Variants in DTNA observed in about 807,000 individuals in gnomAD.
DTNA encodes dystrobrevin alpha.
Under a neutral mutation model 100.7 loss-of-function variants are expected in DTNA, and 43 were observed. The observed-to-expected ratio is 0.43, with a 90% CI of 0.33 to 0.55. The LOEUF (loss-of-function observed/expected upper bound fraction) is 0.55. Ranked by LOEUF, DTNA falls within the 20% of genes least tolerant of loss-of-function variation. The pLI is 0.04. For synonymous variants in DTNA, 349 were observed against 347.9 expected (o/e 1.00, Z -0.04); for missense variants, 798 against 953.9 (o/e 0.84, Z 2.15).
intron 1 of DTNA, among the ~76,000 whole-genome samples, chr18:34,522,235 T>C (rs970166781): frequency 1.3e-5 from 2 of 152,162 alleles, no homozygotes; most frequent in African/African-American, 4.8e-5. Context: ...CTGTTATCCC[T>C]TTATTATAAA....
chr18:34,870,013 G>A lies in DTNA; in HGVS notation c.1744-5226G>A, dbSNP rs557507899. Reference sequence around the variant, plus strand: ...TCCAGCCTGGGCAACACGACACAGCGAGACTCCGTCTCAAAAAAAAGGGGG... The same window carrying A: ...TCCAGCCTGGGCAACACGACACAGCAAGACTCCGTCTCAAAAAAAAGGGGG... On this transcript the variant is annotated intron_variant, in intron 17 of 22. Transcript: ENST00000444659. 1.4e-4 allele frequency among the ~76,000 whole-genome samples: 22 copies of A among 152,296 alleles called. No homozygotes were observed. The East Asian group carries it at 2.1e-3, about 15-fold the overall frequency.
At chr18:34,625,658 G>A (rs1245702949) in intron 1 of DTNA, among the ~76,000 whole-genome samples, 1 of 152,056 alleles carries the variant, frequency 6.6e-6, no homozygotes, top group Non-Finnish European at 1.5e-5. Flanking sequence ...ATACACAATT[G>A]TATGCAAAAG....
intron 1 of DTNA, among the ~76,000 whole-genome samples, chr18:34,632,741 A>G (rs2058223009): frequency 6.6e-6 from 1 of 152,166 alleles, no homozygotes; most frequent in Admixed American, 6.5e-5. Flanking sequence ...TTAATTCACT[A>G]AAGATTTTCT....
At chr18:34,521,547 G>A (rs995126167) in intron 1 of DTNA, among the ~76,000 whole-genome samples, 2 of 152,100 alleles carry the variant, frequency 1.3e-5, no homozygotes, top group African/African-American at 4.8e-5. Flanking sequence ...TAAGTCCTAG[G>A]TGACCTTGCT....
intron 14 of DTNA, among the ~76,000 whole-genome samples, chr18:34,849,960 C>G (rs968583736): frequency 6.6e-6 from 1 of 152,226 alleles, no homozygotes; most frequent in Admixed American, 6.5e-5. Flanking sequence ...TATATGTGTA[C>G]TAAATTCTCC....
chr18:34,581,280 C>CAAAACAAAACAAAACA (rs1567948050), intron 1 of DTNA, among the ~76,000 whole-genome samples: 7 of 96,372 alleles, frequency 7.3e-5, no homozygotes, highest in Admixed American at 2.2e-4. Flanking sequence ...AACAAAAAAA[C>CAAAACAAAACAAAACA]AAAACAAAAA....
At chr18:34,689,835 T>C (rs912974080) in intron 1 of DTNA, among the ~76,000 whole-genome samples, 1 of 152,192 alleles carries the variant, frequency 6.6e-6, no homozygotes, top group African/African-American at 2.4e-5. Flanking sequence ...CTTTCAGAGA[T>C]GCCCTGCCCA....
chr18:34,717,273 G>T (rs148824033), intron 1 of DTNA, among the ~76,000 whole-genome samples: 1 of 152,178 alleles, frequency 6.6e-6, no homozygotes, highest in South Asian at 2.1e-4. Context: ...AAATAGCCAC[G>T]TGTGTCTAGT....
intron 1 of DTNA, among the ~76,000 whole-genome samples, chr18:34,579,976 C>T (rs2048464876): frequency 6.6e-6 from 1 of 152,074 alleles, no homozygotes; most frequent in African/African-American, 2.4e-5. Context: ...TATTTTGTTA[C>T]AGTCACAGGA....
intron 1 of DTNA, among the ~76,000 whole-genome samples, chr18:34,715,253 CA>C (rs2083794705): frequency 6.6e-6 from 1 of 151,822 alleles, no homozygotes; most frequent in South Asian, 2.1e-4. Flanking sequence ...AAGAATTGTA[CA>C]ATGTGTGGGT....
chr18:34,541,678 C>A (rs772005941), intron 1 of DTNA, among the ~76,000 whole-genome samples: 4 of 152,014 alleles, frequency 2.6e-5, no homozygotes, highest in Non-Finnish European at 4.4e-5. Flanking sequence ...CAGACTAATA[C>A]AGGAACATTC....
At chr18:34,611,998 ATCTGGCC>A (rs2054303991) in intron 1 of DTNA, among the ~76,000 whole-genome samples, 2 of 152,304 alleles carry the variant, frequency 1.3e-5, no homozygotes, top group Admixed American at 1.3e-4. Flanking sequence ...CAGGCTGACC[ATCTGGCC>A]TCCTATGAGT....
chr18:34,551,433 C>T (rs1028679153), intron 1 of DTNA, among the ~76,000 whole-genome samples: 2 of 152,182 alleles, frequency 1.3e-5, no homozygotes, highest in African/African-American at 4.8e-5. Flanking sequence ...AGCTAATGCA[C>T]TCTCCATTCA....
intron 9 of DTNA, chr18:34,822,589 C>T (rs752467249): frequency 7.2e-5 from 11 of 153,080 alleles, no homozygotes; most frequent in Non-Finnish European, 1.5e-4. Context: ...GGAGTATTAT[C>T]TAGCTCAGGG....
At chr18:34,571,124 C>T (rs1307027402) in intron 1 of DTNA, among the ~76,000 whole-genome samples, 1 of 152,150 alleles carries the variant, frequency 6.6e-6, no homozygotes, top group African/African-American at 2.4e-5. Context: ...AAATTCAAGC[C>T]TATATTGACT....
chr18:34,680,938 C>T (rs971908410), intron 1 of DTNA, among the ~76,000 whole-genome samples: 18 of 152,210 alleles, frequency 1.2e-4, no homozygotes, highest in South Asian at 8.3e-4. Context: ...ATTTTCCAGC[C>T]AGAGCCTCTC....
intron 1 of DTNA, among the ~76,000 whole-genome samples, chr18:34,496,315 A>G (rs745613298): frequency 2.0e-5 from 3 of 151,796 alleles, no homozygotes; most frequent in East Asian, 1.9e-4. Context: ...GTTGTATGCT[A>G]TCAGTCACAA....
chr18:34,526,732 T>A (rs989797010), intron 1 of DTNA, among the ~76,000 whole-genome samples: 48 of 152,158 alleles, frequency 3.2e-4, no homozygotes, highest in African/African-American at 1.2e-3. Context: ...TTGACCCTTC[T>A]ATTGTTTAAG....
chr18:34,778,770 A>G (rs147993000), intron 3 of DTNA, among the ~76,000 whole-genome samples: 8 of 151,640 alleles, frequency 5.3e-5, no homozygotes, highest in Admixed American at 5.2e-4. Context: ...CTATTTGTCA[A>G]TGACTTGTAA....
Sources: allele counts gnomAD v4.1 joint callset (sites outside exome capture counted in the v4.1 genomes callset), GRCh38; gene constraint gnomAD v4.1.1; transcripts MANE v1.5; gene names NCBI Gene and HGNC (gene_info 2026-07-23, HGNC 2026-07-21).